MYT1L: variants seen among roughly 807,000 people sequenced by gnomAD.
MYT1L encodes the protein myelin transcription factor 1-like protein.
Under a neutral mutation model 126.7 loss-of-function variants are expected in MYT1L, and 12 were observed. The ratio of observed to expected loss-of-function variants is 0.09; its 90% CI spans 0.06 to 0.15. The LOEUF is 0.15. Among genes scored for constraint, MYT1L ranks in the 10% least tolerant of loss-of-function variants. MYT1L has a pLI of 1.00. For missense variants in MYT1L, 979 were observed against 1,585.2 expected (o/e 0.62, Z 6.49); for synonymous variants, 541 against 604.2 (o/e 0.90, Z 1.53).
At chr2:2,289,695 T>G (rs552402022) in intron 1 of MYT1L, among the ~76,000 whole-genome samples, 3 of 152,200 alleles carry the variant, frequency 2.0e-5, no homozygotes, top group Non-Finnish European at 4.4e-5. Flanking sequence ...AAAAACAGGC[T>G]ATGTGGACTA....
intron 3 of MYT1L, among the ~76,000 whole-genome samples, chr2:2,082,871 G>A (rs1203615356): frequency 6.6e-6 from 1 of 152,098 alleles, no homozygotes; most frequent in South Asian, 2.1e-4. Context: ...TCTCCTCATC[G>A]CCCAAGACCT....
At position 1,793,526 on chromosome 2, in the gene MYT1L, C is replaced by A. The variant is rs1264979105; in HGVS notation, c.3277-1062G>T. On this transcript the variant is annotated intron_variant, in intron 23 of 24. Transcript: ENST00000647738. This position sits in a 1 kb window ranked among gnomAD's most constrained non-coding sequence, Gnocchi z 4.6. ...GAGTCTCTCCTCCTCTCCCTGTCGG[C>A]CCTGCCTTCTCCTATGTTCTGGCCC... Among the ~76,000 whole-genome samples the A allele has an allele frequency of 2.0e-5, 3 of 152,234 alleles. No individual in the cohort carries two copies. The highest frequency in any genetic ancestry group is 7.2e-5 in the African/African-American group (3 of 41,464).
intron 2 of MYT1L, among the ~76,000 whole-genome samples, chr2:2,247,481 C>T (rs185522771): frequency 1.4e-4 from 21 of 152,000 alleles, no homozygotes; most frequent in Middle Eastern, 3.4e-3. Context: ...TCTCCCAGGC[C>T]GAAAATTAAC....
chr2:2,102,604 ATGTGTGTGTGTGTGTG>A (rs3047992), intron 3 of MYT1L, among the ~76,000 whole-genome samples: 3 of 143,010 alleles, frequency 2.1e-5, no homozygotes, highest in Admixed American at 1.4e-4. Context: ...CCTCTTGGGA[ATGTGTGTGTGTGTGTG>A]TGTGTGTGTG....
chr2:1,989,848 G>A (rs6730629), intron 5 of MYT1L, among the ~76,000 whole-genome samples: 105,907 of 151,714 alleles, frequency 0.7, 38,352 homozygotes, highest in African/African-American at 0.9. Context: ...AAATACAAAA[G>A]TTAGCTGGGC....
chr2:2,062,088 C>G (rs928720283), intron 3 of MYT1L, among the ~76,000 whole-genome samples: 1 of 152,198 alleles, frequency 6.6e-6, no homozygotes, highest in East Asian at 1.9e-4. Flanking sequence ...TGCACTAATG[C>G]GCTCCACGCC....
chr2:2,150,006 G>A (rs1485340957), intron 3 of MYT1L, among the ~76,000 whole-genome samples: 2 of 152,112 alleles, frequency 1.3e-5, no homozygotes. Context: ...TCACATCCCA[G>A]TATCCACCTA....
Position 1,792,444 on chromosome 2 carries a change from G to A in MYT1L, c.3297C>T (p.Asn1099=), listed in dbSNP as rs775734266. ...TGTTCTCCTCTTCGATGGTCTTCAG[G>A]TTGCTCTCCATCGTGGTAATCTGAA... ...LRTQITTMES[N]LKTIEEENKV... The change falls in exon 24 of 25, where the codon AAC becomes AAT. Residue 1099 remains asparagine (N), a synonymous_variant. Coordinates refer to ENST00000647738, the MANE Select transcript of MYT1L (RefSeq NM_001303052.2). 1.9e-6 allele frequency: 3 copies of A among 1,613,660 alleles called. No individual in the cohort carries two copies. The highest frequency in any genetic ancestry group is 3.3e-5 in the Admixed American group (2 of 59,990).
At chr2:2,058,835 G>GACATCTCAGTGACATTCTCAGTGAC (rs2069974924) in intron 3 of MYT1L, among the ~76,000 whole-genome samples, 1 of 152,192 alleles carries the variant, frequency 6.6e-6, no homozygotes. Flanking sequence ...CCAGGGATGT[G>GACATCTCAGTGACATTCTCAGTGAC]AGGCTCCTTC....
intron 4 of MYT1L, among the ~76,000 whole-genome samples, chr2:2,018,101 A>G (rs766264475): frequency 3.3e-5 from 5 of 152,234 alleles, no homozygotes; most frequent in Non-Finnish European, 7.3e-5. Context: ...AAGCCTGCAT[A>G]AAGAAGACAG....
chr2:2,045,248 G>A (rs761017697), intron 4 of MYT1L, among the ~76,000 whole-genome samples: 10 of 152,240 alleles, frequency 6.6e-5, no homozygotes, highest in Non-Finnish European at 1.3e-4. Context: ...ACAAGGATAT[G>A]AGCCTCATCC....
chr2:2,192,634 T>C (rs1055381641), intron 2 of MYT1L, among the ~76,000 whole-genome samples: 3 of 152,180 alleles, frequency 2.0e-5, no homozygotes, highest in Non-Finnish European at 2.9e-5. Context: ...TGGCTGTTCA[T>C]CTCTTCTTTC....
intron 8 of MYT1L, among the ~76,000 whole-genome samples, chr2:1,946,019 G>A (rs1413841119): frequency 6.6e-6 from 1 of 152,162 alleles, no homozygotes; most frequent in Non-Finnish European, 1.5e-5. Context: ...AGGCAAGCGA[G>A]CGAAGCTTCT....
intron 3 of MYT1L, among the ~76,000 whole-genome samples, chr2:2,087,424 C>T (rs2150359148): frequency 6.6e-6 from 1 of 152,232 alleles, no homozygotes; most frequent in Admixed American, 6.5e-5. Flanking sequence ...CAAAGTGAAG[C>T]TTTAGGGTCA....
intron 19 of MYT1L, chr2:1,841,513 C>T (rs1395330927): frequency 6.6e-6 from 1 of 152,366 alleles, no homozygotes; most frequent in Non-Finnish European, 1.5e-5. Flanking sequence ...TTCCCTGTGT[C>T]CTCTCCAAGG....
At chr2:2,250,720 T>C (rs189280249) in intron 2 of MYT1L, among the ~76,000 whole-genome samples, 6 of 152,132 alleles carry the variant, frequency 3.9e-5, no homozygotes, top group Non-Finnish European at 2.9e-5. Context: ...CAATTCTCCA[T>C]GATTTGATTA....
chr2:1,839,911 G>A (rs774375747), intron 20 of MYT1L, among the ~76,000 whole-genome samples: 2 of 152,126 alleles, frequency 1.3e-5, no homozygotes, highest in African/African-American at 2.4e-5. Context: ...GAAGTCTCCT[G>A]GAATCGGGCT....
At chr2:1,839,098 G>A (rs1236690960) in intron 21 of MYT1L, 51 bp downstream of exon 21, 15 of 1,497,912 alleles carry the variant, frequency 1.0e-5, no homozygotes, top group South Asian at 2.5e-5. Context: ...CGTGCCAGTC[G>A]GCTCTCGGCG....
At chr2:1,901,227 A>G (rs2050297879) in intron 14 of MYT1L, among the ~76,000 whole-genome samples, 1 of 152,198 alleles carries the variant, frequency 6.6e-6, no homozygotes, top group Admixed American at 6.5e-5. Context: ...GACCTTAACA[A>G]TGAAGCTGAA....
Sources: gnomAD v4.1 joint callset for allele counts (sites outside exome capture counted in the v4.1 genomes callset) on GRCh38, gnomAD v4.1.1 for gene constraint, Gnocchi (gnomAD v3.1) non-coding constraint, MANE v1.5 for transcripts, NCBI Gene and HGNC (gene_info 2026-07-23, HGNC 2026-07-21) for gene names.